The following TTLL1 variants were observed in gnomAD, a reference collection of about 807,000 sequenced individuals.
TTLL1 encodes polyglutamylase complex subunit TTLL1.
TTLL1 carries 33 observed loss-of-function variants against 47.8 expected under a neutral mutation model. That is an observed-to-expected ratio of 0.69 (90% confidence interval 0.52 to 0.92). TTLL1 has a LOEUF of 0.92. Ranked by LOEUF, TTLL1 falls within the 40% of genes least tolerant of loss-of-function variation. The pLI is 0.00. For synonymous variants in TTLL1, 225 were observed against 214.1 expected, an observed-to-expected ratio of 1.05 and a Z score of -0.45; for missense variants, 488 against 547.5, an observed-to-expected ratio of 0.89 and a Z score of 1.08.
intron 8 of TTLL1, among the ~76,000 whole-genome samples, chr22:43,054,423 C>CTT (rs767193512): frequency 6.5e-5 from 9 of 139,242 alleles, no homozygotes; most frequent in African/African-American, 1.8e-4. Flanking sequence ...GACATAATCT[C>CTT]TTTTTTTTTT....
intron 3 of TTLL1, among the ~76,000 whole-genome samples, chr22:43,075,186 G>A (rs531937655): frequency 1.4e-4 from 21 of 152,100 alleles, no homozygotes; most frequent in East Asian, 9.7e-4. Flanking sequence ...CAGCTATAAC[G>A]CACGCTCACT....
chr22:43,052,849 G>A lies in TTLL1; in HGVS notation c.892-962C>T, dbSNP rs555348675. On this transcript the variant is annotated intron_variant, in intron 8 of 10. Coordinates refer to ENST00000266254, the MANE Select transcript of TTLL1 (RefSeq NM_012263.5). ...GGAGGCAGGTGGATCACCTGACGTC[G>A]GGAGTTCGAGACCAGCCTGGCCAAC... is the stretch of plus-strand genomic sequence containing the variant. Among the ~76,000 whole-genome samples, 443 of 151,936 alleles carry A rather than the reference G, an allele frequency of 2.9e-3. 4 individuals are homozygous for A. Among genetic ancestry groups the A allele is most frequent in the African/African-American group, 0.01 (422 of 41,448 alleles).
intron 1 of TTLL1, among the ~76,000 whole-genome samples, chr22:43,080,216 G>A (rs1033448393): frequency 2.0e-4 from 31 of 151,944 alleles, no homozygotes; most frequent in Admixed American, 5.9e-4. Flanking sequence ...CACCACACCC[G>A]GTTAATTTTT....
chr22:43,045,333 C>A (rs1926030220), intron 10 of TTLL1, among the ~76,000 whole-genome samples: 1 of 152,158 alleles, frequency 6.6e-6, no homozygotes, highest in South Asian at 2.1e-4. Context: ...AGCTAATAGT[C>A]TTACCTACTT....
intron 8 of TTLL1, among the ~76,000 whole-genome samples, chr22:43,058,290 T>A (rs1927159679): frequency 6.6e-6 from 1 of 152,132 alleles, no homozygotes; most frequent in South Asian, 2.1e-4. Context: ...ATATGTTCAT[T>A]TCTCTCTTTT....
At chr22:43,077,228 T>C (rs1928565124) in intron 2 of TTLL1, among the ~76,000 whole-genome samples, 1 of 152,004 alleles carries the variant, frequency 6.6e-6, no homozygotes, top group Non-Finnish European at 1.5e-5. Context: ...CACCACCTTC[T>C]CCTTTACCCT....
rs541681211 is a variant in TTLL1 at position 43,039,570 on chromosome 22, A to T, written c.*206T>A. The T allele has an allele frequency of 5.1e-4, 146 of 288,840 alleles. No homozygotes were observed. The highest frequency in any genetic ancestry group is 9.6e-4 in the Middle Eastern group (1 of 1,038). 17.9% of individuals were successfully genotyped at this position (288,840 alleles called of 1,614,324 possible). On this transcript the variant is annotated 3_prime_UTR_variant, in exon 11 of 11. Transcript: ENST00000266254. ...GAAAATTCTGCTTAGGTTAAAAATT[A>T]AAAAAAAAAGAGCGAGTTTTATACA... is the stretch of plus-strand genomic sequence containing the variant.
In TTLL1 at chr22:43,069,697, C is replaced by T. The variant is rs139039667; in HGVS notation, c.261G>A (p.Glu87=). ...CCAGAGGACTCCCTTCTTTCTCCAGCTCCTTCCTGTATCTTTTGATGTTCT... is the reference window on the plus strand; with the variant it reads ...CCAGAGGACTCCCTTCTTTCTCCAGTTCCTTCCTGTATCTTTTGATGTTCT... The part of the protein sequence containing the change: ...MVKNIKRYRK[E]LEKEGSPLAE... Residue 87 remains glutamate, a synonymous_variant, in exon 4 of 11, where the codon GAG becomes GAA. Transcript: ENST00000266254. The T allele has an allele frequency of 2.0e-4, 315 of 1,614,244 alleles. No individual in the cohort carries two copies. The African/African-American group carries it at 3.9e-3, about 20-fold the overall frequency.
chr22:43,057,608 T>C (rs545806277), intron 8 of TTLL1, among the ~76,000 whole-genome samples: 2 of 152,240 alleles, frequency 1.3e-5, no homozygotes, highest in South Asian at 4.1e-4. Flanking sequence ...TCCACGGTGA[T>C]GTGGCACCCA....
At chr22:43,042,625 G>A (rs1032232336) in intron 10 of TTLL1, among the ~76,000 whole-genome samples, 2 of 152,220 alleles carry the variant, frequency 1.3e-5, no homozygotes, top group Admixed American at 6.5e-5. Context: ...GCTGGGCTCT[G>A]AGGAGTTGCT....
intron 9 of TTLL1, among the ~76,000 whole-genome samples, 158 bp from the exon 10 acceptor site, chr22:43,046,731 G>A (rs1926169512): frequency 1.3e-5 from 2 of 152,194 alleles, no homozygotes; most frequent in East Asian, 1.9e-4. Flanking sequence ...GTGCAGTGGC[G>A]CAATCTCGGT....
At chr22:43,088,324 C>CCTTTTTTTTTTTTT (rs1929375639) in intron 1 of TTLL1, among the ~76,000 whole-genome samples, 1 of 56,468 alleles carries the variant, frequency 1.8e-5, no homozygotes, top group African/African-American at 7.3e-5. Flanking sequence ...AAGGGCCCAT[C>CCTTTTTTTTTTTTT]TTTTTTTTTT....
intron 10 of TTLL1, among the ~76,000 whole-genome samples, chr22:43,043,474 A>G (rs1925862361): frequency 6.6e-6 from 1 of 151,918 alleles, no homozygotes; most frequent in South Asian, 2.1e-4. Context: ...AGGGGCCATC[A>G]GGACCCAGCC....
In TTLL1 at chr22:43,068,431, G is replaced by T; in HGVS notation, c.482C>A (p.Ser161Tyr). 2 of 1,540,136 alleles carry T rather than the reference G, an allele frequency of 1.3e-6. No homozygotes were observed. The highest frequency in any genetic ancestry group is 1.8e-6 in the Non-Finnish European group (2 of 1,128,008). ...TTACGAAGATGTCTTGCTGTCCCGG[G>T]ACCACTTTTTGATCTGTGAGAGCTT... ...INKLSQIKKW[S>Y]RDSKTSSFVS... Residue 161 changes from serine to tyrosine, a missense_variant, in exon 5 of 11, where the codon TCC becomes TAC. By Grantham distance (144) the Ser-to-Tyr change is moderately radical. Coordinates refer to ENST00000266254, the MANE Select transcript of TTLL1 (RefSeq NM_012263.5).
chr22:43,062,822 G>A (rs1040315091), intron 7 of TTLL1, among the ~76,000 whole-genome samples: 19 of 151,922 alleles, frequency 1.3e-4, no homozygotes, highest in African/African-American at 3.4e-4. Flanking sequence ...GCGAGACTCC[G>A]CCTCAAAAAG....
chr22:43,058,188 C>T (rs557774166), intron 8 of TTLL1, among the ~76,000 whole-genome samples: 7 of 152,152 alleles, frequency 4.6e-5, no homozygotes, highest in African/African-American at 1.7e-4. Context: ...TCGTGATCTG[C>T]GCACCTTGGC....
chr22:43,075,611 A>C, intron 2 of TTLL1, 21 bp from the exon 3 acceptor site: 1 of 1,605,782 alleles, frequency 6.2e-7, no homozygotes, highest in Middle Eastern at 1.7e-4. Flanking sequence ...TCAAAATATT[A>C]GAGATATGAA....
At chr22:43,064,449 G>A (rs1927597538) in intron 5 of TTLL1, 125 bp from the exon 6 acceptor site, 42 of 1,172,416 alleles carry the variant, frequency 3.6e-5, no homozygotes, top group Non-Finnish European at 4.7e-5. Flanking sequence ...GTTTTGGCTG[G>A]GCGCGGTGGC....
At chr22:43,052,035 T>C (rs963500705) in intron 8 of TTLL1, 148 bp from the exon 9 acceptor site, 2 of 685,168 alleles carry the variant, frequency 2.9e-6, no homozygotes, top group African/African-American at 1.7e-5. Flanking sequence ...CCTTCCCTCC[T>C]CTCCCTCTTC....
Sources: gnomAD v4.1 joint callset for allele counts (sites outside exome capture counted in the v4.1 genomes callset) on GRCh38, gnomAD v4.1.1 for gene constraint, MANE v1.5 for transcripts, NCBI Gene and HGNC (gene_info 2026-07-23, HGNC 2026-07-21) for gene names.